Variants in PSD3 observed in about 807,000 individuals in gnomAD.
PSD3 encodes the protein PH and SEC7 domain-containing protein 3.
A neutral mutation model predicts 105.5 loss-of-function variants in PSD3; 49 were observed. The ratio of observed to expected loss-of-function variants is 0.46; its 90% CI spans 0.37 to 0.59. The LOEUF (loss-of-function observed/expected upper bound fraction) is 0.59. PSD3 is among the 20% of genes least tolerant of loss of function. PSD3 has a pLI of 0.00. For missense variants in PSD3, 1,561 were observed against 1,263.8 expected (o/e 1.24, Z -3.57); for synonymous variants, 557 against 457.8 (o/e 1.22, Z -2.77).
At chr8:18,986,906 C>A (rs78504264) in intron 1 of PSD3, among the ~76,000 whole-genome samples, 5,475 of 152,112 alleles carry the variant, frequency 0.036, 375 homozygotes, top group African/African-American at 0.12. Context: ...CACCGTGGGC[C>A]TACTTTAACC....
chr8:19,048,333 C>T (rs183397315), intron 1 of PSD3, among the ~76,000 whole-genome samples: 69 of 152,250 alleles, frequency 4.5e-4, no homozygotes, highest in African/African-American at 1.6e-3. Context: ...TTTTATGGGA[C>T]CTTTTACAAG....
intron 2 of PSD3, among the ~76,000 whole-genome samples, chr8:18,897,818 T>C (rs1819249094): frequency 6.6e-6 from 1 of 152,214 alleles, no homozygotes; most frequent in Admixed American, 6.5e-5. Flanking sequence ...AATGTTGGTA[T>C]ATAGAAACAC....
intron 4 of PSD3, among the ~76,000 whole-genome samples, chr8:18,834,472 A>T (rs1813932468): frequency 6.6e-6 from 1 of 152,210 alleles, no homozygotes; most frequent in Non-Finnish European, 1.5e-5. Context: ...TAGAGAAGTC[A>T]ATTCATCCAC....
At chr8:18,744,850 C>A (rs994857346) in intron 9 of PSD3, among the ~76,000 whole-genome samples, 1 of 152,190 alleles carries the variant, frequency 6.6e-6, no homozygotes, top group Non-Finnish European at 1.5e-5. Context: ...GTTACTATGG[C>A]TTCTTAGTCT....
intron 12 of PSD3, among the ~76,000 whole-genome samples, chr8:18,582,001 G>C (rs534389365): frequency 1.3e-5 from 2 of 152,266 alleles, no homozygotes; most frequent in East Asian, 3.9e-4. Flanking sequence ...GATAATGTAA[G>C]AAACTGTCTG....
rs1373592698 is a variant in PSD3, at chr8:18,688,467, C to T, written c.2173-32782G>A. ...CATTATCACATACAAAGCCGCCTTA[C>T]TCTTGTTAATAGCAGCATAGTATTC... is the stretch of plus-strand genomic sequence containing the variant. On this transcript the variant is annotated intron_variant, in intron 9 of 15. Coordinates refer to ENST00000327040, the MANE Select transcript of PSD3 (RefSeq NM_015310.4). Among the ~76,000 whole-genome samples the T allele has an allele frequency of 3.3e-5, 5 of 152,186 alleles. No individual in the cohort carries two copies. The East Asian group carries it at 7.7e-4, about 23-fold the overall frequency.
intron 1 of PSD3, among the ~76,000 whole-genome samples, chr8:18,937,338 T>A (rs542636318): frequency 6.6e-6 from 1 of 152,342 alleles, no homozygotes; most frequent in South Asian, 2.1e-4. Context: ...ACATCATCTT[T>A]TCTCATGTCT....
chr8:18,843,866 C>T (rs1262582158), intron 4 of PSD3, among the ~76,000 whole-genome samples: 2 of 151,408 alleles, frequency 1.3e-5, no homozygotes, highest in Non-Finnish European at 2.9e-5. Flanking sequence ...TTGATCCTGA[C>T]AATATCTCCA....
chr8:18,542,826 GA>G (rs1322120722), intron 15 of PSD3, among the ~76,000 whole-genome samples: 8 of 152,110 alleles, frequency 5.3e-5, no homozygotes, highest in African/African-American at 1.9e-4. Flanking sequence ...GACAGTTCCA[GA>G]AAAATGCGTG....
chr8:18,688,335 G>A (rs945999322), intron 9 of PSD3, among the ~76,000 whole-genome samples: 7 of 152,146 alleles, frequency 4.6e-5, no homozygotes, highest in East Asian at 3.9e-4. Context: ...GGTCTCAAGC[G>A]ATACTCCTGC....
intron 12 of PSD3, among the ~76,000 whole-genome samples, chr8:18,595,281 CAAA>C (rs35238330): frequency 5.1e-4 from 62 of 122,768 alleles, no homozygotes; most frequent in South Asian, 1.3e-3. Context: ...AATGTTATTA[CAAA>C]AAAAAAAAAA....
chr8:18,961,415 G>GC lies in PSD3; in HGVS notation c.22-25274dup, dbSNP rs555002010. ...AAAAATAAATATATGCAGGCTGGGC[G>GC]CGGTGGCTCACGCCTATAATCCCAG... On this transcript the variant is annotated intron_variant, in intron 1 of 15. Coordinates refer to ENST00000327040, the MANE Select transcript of PSD3 (RefSeq NM_015310.4). 2.6e-5 allele frequency among the ~76,000 whole-genome samples: 4 copies of GC among 152,298 alleles called. No individual in the cohort carries two copies. The South Asian group carries it at 8.3e-4, about 32-fold the overall frequency.
chr8:19,082,299 C>A (rs1368752306), intron 1 of PSD3, among the ~76,000 whole-genome samples: 1 of 152,166 alleles, frequency 6.6e-6, no homozygotes, highest in African/African-American at 2.4e-5. Flanking sequence ...ACCTCTGACT[C>A]CATGGGTTCC....
intron 9 of PSD3, among the ~76,000 whole-genome samples, chr8:18,666,758 T>G (rs1457109627): frequency 6.6e-6 from 1 of 151,172 alleles, no homozygotes; most frequent in Non-Finnish European, 1.5e-5. Flanking sequence ...AAGCACACAT[T>G]ATTCAAGGCT....
intron 2 of PSD3, among the ~76,000 whole-genome samples, chr8:18,932,847 G>C (rs916464754): frequency 5.3e-5 from 8 of 152,086 alleles, no homozygotes; most frequent in African/African-American, 1.4e-4. Flanking sequence ...TCTGCAATTT[G>C]AAATGCTCTC....
intron 2 of PSD3, among the ~76,000 whole-genome samples, chr8:18,932,959 T>A (rs1460404758): frequency 2.0e-5 from 3 of 152,254 alleles, no homozygotes; most frequent in Admixed American, 1.3e-4. Flanking sequence ...AATGTGATCA[T>A]TCTTCCTTGC....
chr8:19,068,650 A>T (rs1224343866), intron 1 of PSD3, among the ~76,000 whole-genome samples: 2 of 152,058 alleles, frequency 1.3e-5, no homozygotes, highest in Non-Finnish European at 2.9e-5. Flanking sequence ...TCCTTGCGAT[A>T]GTTTGCTGAG....
intron 9 of PSD3, among the ~76,000 whole-genome samples, chr8:18,694,004 A>C (rs1310759503): frequency 2.6e-5 from 4 of 152,204 alleles, no homozygotes; most frequent in African/African-American, 9.7e-5. Context: ...GAATGCTAGG[A>C]AAGATCTGAA....
chr8:18,616,047 A>G (rs1479427314), intron 11 of PSD3, among the ~76,000 whole-genome samples: 3 of 152,168 alleles, frequency 2.0e-5, no homozygotes, highest in Non-Finnish European at 4.4e-5. Context: ...CTTTTCCCCA[A>G]CCTAGGAGCT....
Sources: allele counts gnomAD v4.1 joint callset (sites outside exome capture counted in the v4.1 genomes callset), GRCh38; gene constraint gnomAD v4.1.1; transcripts MANE v1.5; gene names NCBI Gene and HGNC (gene_info 2026-07-23, HGNC 2026-07-21).